Variants in CHIC1 observed in about 807,000 individuals in gnomAD.
CHIC1 encodes the protein cysteine rich hydrophobic domain 1.
In CHIC1, 7 loss-of-function variants were observed where a neutral mutation model predicts 18.5. That is an observed-to-expected ratio of 0.38 (90% confidence interval 0.22 to 0.71). The LOEUF (loss-of-function observed/expected upper bound fraction) is 0.71, where lower values mean the gene tolerates loss of function less well. Among genes scored for constraint, CHIC1 ranks in the 30% least tolerant of loss-of-function variants. The probability of loss-of-function intolerance (pLI) is 0.49; values close to 1 mark genes in which losing one functional copy is unlikely to be tolerated. For synonymous variants in CHIC1, 77 were observed against 73.5 expected, an observed-to-expected ratio of 1.05 and a Z score of -0.25; for missense variants, 159 against 176.9, an observed-to-expected ratio of 0.90 and a Z score of 0.57.
At chrX:73,580,569 T>C (rs1181730710) in intron 2 of CHIC1, among the ~76,000 whole-genome samples, 1 of 110,984 alleles carries the variant, frequency 9.0e-6, no homozygotes, top group Non-Finnish European at 1.9e-5. Context: ...CACTTTCATT[T>C]GTTTAGGTTC....
chrX:73,650,215 G>A (rs2057909068), intron 3 of CHIC1, among the ~76,000 whole-genome samples: 1 of 111,890 alleles, frequency 8.9e-6, no homozygotes, highest in African/African-American at 3.2e-5. Flanking sequence ...AGCACTAAAT[G>A]CTCACATCAG....
chrX:73,662,655 A>T (rs1037163284), intron 3 of CHIC1, among the ~76,000 whole-genome samples: 2 of 108,756 alleles, frequency 1.8e-5, no homozygotes, highest in African/African-American at 6.7e-5. Flanking sequence ...ATCATTTAAG[A>T]TGTGCAAGTT....
At chrX:73,597,037 C>G (rs985189339) in intron 3 of CHIC1, among the ~76,000 whole-genome samples, 2 of 111,594 alleles carry the variant, frequency 1.8e-5, no homozygotes, top group African/African-American at 6.5e-5. Context: ...TGGGATGTAA[C>G]TAAACTAAAG....
At chrX:73,655,484 A>G (rs1194683003) in intron 3 of CHIC1, among the ~76,000 whole-genome samples, 2 of 68,950 alleles carry the variant, frequency 2.9e-5, no homozygotes, top group African/African-American at 5.3e-5. Flanking sequence ...ACATATATAC[A>G]CAATATTGTG....
intron 3 of CHIC1, among the ~76,000 whole-genome samples, chrX:73,674,127 G>A (rs758268879): frequency 1.8e-5 from 2 of 111,926 alleles, no homozygotes; most frequent in Admixed American, 1.9e-4. Flanking sequence ...TAAGCTTTTT[G>A]ATGTGCTGCT....
rs145187291 is a variant in CHIC1 at position 73,680,515 on chromosome X, A to G, written c.625-440A>G. Among the ~76,000 whole-genome samples the G allele has an allele frequency of 2.0e-3, 228 of 111,858 alleles. 1 individual carries two copies. Among genetic ancestry groups the G allele is most frequent in the African/African-American group, 6.9e-3 (214 of 30,984 alleles). ...CACATTAATTTTTCACAACTTGTGA[A>G]CGATAGTAATCTCCAACTAATATCA... On this transcript the variant is annotated intron_variant, in intron 5 of 5. Coordinates refer to ENST00000373502, the MANE Select transcript of CHIC1 (RefSeq NM_001039840.4).
intron 3 of CHIC1, among the ~76,000 whole-genome samples, chrX:73,632,360 C>T (rs1258761270): frequency 8.9e-6 from 1 of 111,820 alleles, no homozygotes; most frequent in Non-Finnish European, 1.9e-5. Context: ...GTGTGTGTCT[C>T]GTGAGCAGCA....
chrX:73,580,112 A>AT (rs2057519588), intron 2 of CHIC1, among the ~76,000 whole-genome samples: 1 of 110,670 alleles, frequency 9.0e-6, no homozygotes, highest in Non-Finnish European at 1.9e-5. Context: ...GGCCAATTTT[A>AT]TATGCTCAAG....
chrX:73,592,816 T>C (rs774264288), intron 3 of CHIC1, among the ~76,000 whole-genome samples: 1 of 111,110 alleles, frequency 9.0e-6, no homozygotes, highest in Non-Finnish European at 1.9e-5. Context: ...AATTCAGCTG[T>C]GAATCCATCT....
At chrX:73,652,723 A>G (rs2057923286) in intron 3 of CHIC1, among the ~76,000 whole-genome samples, 1 of 112,366 alleles carries the variant, frequency 8.9e-6, no homozygotes, top group Admixed American at 9.4e-5. Flanking sequence ...TAAAAAGTCA[A>G]TAAACAACAG....
chrX:73,652,874 A>C (rs2057924263), intron 3 of CHIC1, among the ~76,000 whole-genome samples: 1 of 111,962 alleles, frequency 8.9e-6, no homozygotes, highest in African/African-American at 3.2e-5. Flanking sequence ...CAATTTCATT[A>C]CTGGATATAT....
intron 3 of CHIC1, among the ~76,000 whole-genome samples, chrX:73,643,060 C>T (rs1462131643): frequency 3.6e-5 from 4 of 111,593 alleles, no homozygotes; most frequent in Admixed American, 9.5e-5. Context: ...TAGGGCAGGC[C>T]TGGTGGTGAC....
Position 73,604,084 on chromosome X carries a change from A to G in CHIC1, c.507+19512A>G, listed in dbSNP as rs931746352. Reference sequence around the variant, plus strand: ...GAATAATTTCAGAAGGAATGGTACCAGCTCCTGTTTGTACCTCTGGTAGAA... The same window carrying G: ...GAATAATTTCAGAAGGAATGGTACCGGCTCCTGTTTGTACCTCTGGTAGAA... On this transcript the variant is annotated intron_variant, in intron 3 of 5. Coordinates refer to ENST00000373502, the MANE Select transcript of CHIC1 (RefSeq NM_001039840.4). Among the ~76,000 whole-genome samples, 84 of 107,707 alleles carry G rather than the reference A, an allele frequency of 7.8e-4. 5 individuals are homozygous for G. Among genetic ancestry groups the G allele is most frequent in the African/African-American group, 3.0e-3 (82 of 27,551 alleles). The allele number at this position is 107,707 out of a possible 115,157, so 93.5% of individuals were successfully genotyped here.
At chrX:73,598,796 G>A (rs1196876842) in intron 3 of CHIC1, among the ~76,000 whole-genome samples, 1 of 110,613 alleles carries the variant, frequency 9.0e-6, no homozygotes, top group Non-Finnish European at 1.9e-5. Context: ...AAACATACAT[G>A]TGCATGTGTC....
chrX:73,577,296 T>C, intron 1 of CHIC1, 111 bp from the exon 2 acceptor site: 1 of 515,776 alleles, frequency 1.9e-6, no homozygotes, highest in Non-Finnish European at 3.0e-6. Context: ...GGCACATTTT[T>C]AAATTAAAAG....
chrX:73,571,349 A>G (rs768987421), intron 1 of CHIC1, among the ~76,000 whole-genome samples: 2 of 111,399 alleles, frequency 1.8e-5, no homozygotes, highest in Non-Finnish European at 3.8e-5. Flanking sequence ...AACTGCATCT[A>G]TGTCTTTGTA....
intron 3 of CHIC1, among the ~76,000 whole-genome samples, chrX:73,614,812 A>G (rs1040912705): frequency 6.3e-5 from 7 of 110,503 alleles, no homozygotes; most frequent in Non-Finnish European, 1.9e-5. Flanking sequence ...TACTCTGTGT[A>G]TGTCACTGCG....
At chrX:73,575,268 T>A (rs762079450) in intron 1 of CHIC1, among the ~76,000 whole-genome samples, 1 of 110,441 alleles carries the variant, frequency 9.1e-6, no homozygotes, top group South Asian at 3.7e-4. Context: ...ATTTATTTTT[T>A]AAATTTTTTT....
At position 73,677,991 on chromosome X, in the gene CHIC1, G is replaced by GGTT. The variant is rs772418309; in HGVS notation, c.508-1335_508-1334insGTT. 5.0e-5 allele frequency among the ~76,000 whole-genome samples: 4 copies of GGTT among 80,403 alleles called. 1 individual carries two copies. Among genetic ancestry groups the GGTT allele is most frequent in the Admixed American group, 1.3e-4 (1 of 7,898 alleles). The allele number at this position is 80,403 out of a possible 115,157, so 69.8% of individuals were successfully genotyped here. ...AAATTATTGTGTCCTTTTGGAGGTTGTTTTTTTTTTTTTTTTGTCCTTACA... is the reference window on the plus strand; with the variant it reads ...AAATTATTGTGTCCTTTTGGAGGTTGGTTTTTTTTTTTTTTTTTTGTCCTTACA... On this transcript the variant is annotated intron_variant, in intron 3 of 5. Coordinates refer to ENST00000373502, the MANE Select transcript of CHIC1 (RefSeq NM_001039840.4).
Sources: allele counts gnomAD v4.1 joint callset (sites outside exome capture counted in the v4.1 genomes callset), GRCh38; gene constraint gnomAD v4.1.1; transcripts MANE v1.5; gene names NCBI Gene and HGNC (gene_info 2026-07-23, HGNC 2026-07-21).